The following LRIF1 variants were observed in gnomAD, a reference collection of about 807,000 sequenced individuals.
LRIF1 encodes the protein ligand dependent nuclear receptor interacting factor 1, also known as ligand-dependent nuclear receptor-interacting factor 1.
A neutral mutation model predicts 52.7 loss-of-function variants in LRIF1; 32 were observed. That is an observed-to-expected ratio of 0.61 (90% CI 0.46 to 0.82). LRIF1 has a LOEUF of 0.82. LRIF1 is among the 40% of genes least tolerant of loss of function. The pLI is 0.00. For synonymous variants in LRIF1, 323 were observed against 317.4 expected (o/e 1.02, Z -0.19); for missense variants, 887 against 892.0 (o/e 0.99, Z 0.07).
chr1:110,933,162 C>G, the LRIF1 span, among the ~76,000 whole-genome samples: 815 of 152,230 alleles, frequency 5.4e-3, 6 homozygotes, highest in Non-Finnish European at 8.7e-3. Flanking sequence ...ACAAGATGCT[C>G]TAGGCTCATC....
downstream of LRIF1, among the ~76,000 whole-genome samples, chr1:110,946,990 CTCCTT>C (rs371578803): frequency 6.2e-3 from 941 of 152,048 alleles, 9 homozygotes; most frequent in African/African-American, 0.021. Flanking sequence ...TCTCCTCCTC[CTCCTT>C]TAAGAGACAG....
downstream of LRIF1, among the ~76,000 whole-genome samples, chr1:110,946,363 ATAAGGTT>A (rs1410526289): frequency 6.6e-6 from 1 of 152,206 alleles, no homozygotes; most frequent in East Asian, 1.9e-4. Context: ...GCTAATGGGT[ATAAGGTT>A]TGTTTGGGGG....
At chr1:110,962,808 A>G (rs1245123612) in intron 1 of LRIF1, among the ~76,000 whole-genome samples, 1 of 151,912 alleles carries the variant, frequency 6.6e-6, no homozygotes, top group African/African-American at 2.4e-5. Flanking sequence ...GAGTCTGCAG[A>G]CCCTATTTTT....
the LRIF1 span, among the ~76,000 whole-genome samples, chr1:110,917,676 TA>T: frequency 4.2e-5 from 6 of 143,790 alleles, no homozygotes; most frequent in Non-Finnish European, 7.5e-5. Flanking sequence ...GAGGTCAACA[TA>T]AAAAAATAGC....
the LRIF1 span, among the ~76,000 whole-genome samples, chr1:110,914,912 A>G: frequency 1.3e-5 from 2 of 152,226 alleles, no homozygotes; most frequent in Non-Finnish European, 2.9e-5. Flanking sequence ...ATTACATAGT[A>G]GAATTGAAGA....
downstream of LRIF1, chr1:110,945,104 A>G (rs1485384541): frequency 6.6e-6 from 1 of 152,134 alleles, no homozygotes; most frequent in Non-Finnish European, 1.5e-5. Flanking sequence ...TGCCCAGCCG[A>G]ACTCCTGGCC....
At position 110,950,095 on chromosome 1, in the gene LRIF1, T is replaced by C; in HGVS notation, c.1625A>G (p.Asp542Gly). Reference protein sequence around the residue: ...KIHNEMASTSDKGAQGRNDKK... With the variant: ...KIHNEMASTSGKGAQGRNDKK... ...GTCATTTCTTCCTTGGGCACCTTTA[T>C]CTGATGTTGATGCCATCTCATTATG... Residue 542 changes from aspartate (D) to glycine (G), a missense_variant, in exon 3 of 4, where the codon GAT becomes GGT. Asp to Gly is a moderately conservative substitution (Grantham distance 94). Transcript: ENST00000369763. 6.2e-7 allele frequency: 1 copy of C among 1,613,456 alleles called. No homozygotes were observed. Among genetic ancestry groups the C allele is most frequent in the South Asian group, 1.1e-5 (1 of 91,056 alleles).
At position 110,948,069 on chromosome 1, in the gene LRIF1, G is replaced by A; in HGVS notation, c.2200C>T (p.Pro734Ser). 1 of 1,613,944 alleles carries A rather than the reference G, an allele frequency of 6.2e-7. No individual in the cohort carries two copies. Among genetic ancestry groups the A allele is most frequent in the South Asian group, 1.1e-5 (1 of 91,072 alleles). Residue 734 changes from proline to serine, a missense_variant, in exon 4 of 4, where the codon CCG (proline) becomes TCG (serine). Physicochemically the swap from Pro to Ser is moderately conservative, Grantham distance 74. Transcript: ENST00000369763. ...YTEDIFPVTP[P>S]ELEETIRDEK... The stretch of plus-strand genomic sequence containing the variant: ...TCTCGAATGGTTTCTTCTAACTCCG[G>A]TGGTGTCACTGGGAAAATATCTTCG...
the LRIF1 span, among the ~76,000 whole-genome samples, chr1:110,911,760 G>A: frequency 6.6e-6 from 1 of 152,124 alleles, no homozygotes; most frequent in Non-Finnish European, 1.5e-5. Flanking sequence ...AAAACCACAT[G>A]ATCATCTCAA....
At chr1:110,892,635 A>T in the LRIF1 span, 1 of 975,814 alleles carries the variant, frequency 1.0e-6, no homozygotes, top group Admixed American at 2.2e-5. Context: ...CAGAAAGATC[A>T]TAGGAAAATG....
At chr1:110,886,869 ATT>A in the LRIF1 span, among the ~76,000 whole-genome samples, 83 of 82,786 alleles carry the variant, frequency 1.0e-3, 1 homozygote, top group African/African-American at 3.7e-3. Context: ...ATATATATAT[ATT>A]TTTTTTTTCT....
At chr1:110,923,031 A>G in the LRIF1 span, among the ~76,000 whole-genome samples, 1 of 152,166 alleles carries the variant, frequency 6.6e-6, no homozygotes, top group Non-Finnish European at 1.5e-5. Context: ...TTGGCCAGGT[A>G]GGGTGGCTCA....
the LRIF1 span, among the ~76,000 whole-genome samples, chr1:110,935,965 T>A: frequency 2.7e-5 from 4 of 150,010 alleles, no homozygotes; most frequent in African/African-American, 9.8e-5. Context: ...AAAAAAAAAA[T>A]AACATACAAT....
At chr1:110,936,073 T>C in the LRIF1 span, among the ~76,000 whole-genome samples, 1 of 152,170 alleles carries the variant, frequency 6.6e-6, no homozygotes, top group East Asian at 1.9e-4. Context: ...GAAAAAACTT[T>C]TTAACCTAGA....
the LRIF1 span, chr1:110,936,397 T>C: frequency 4.6e-5 from 7 of 152,096 alleles, no homozygotes; most frequent in Admixed American, 6.5e-5. Flanking sequence ...TTTAATGACA[T>C]AGTACAATAA....
In LRIF1 at chr1:110,952,598, G is replaced by T; in HGVS notation, c.286C>A (p.Pro96Thr). The T allele has an allele frequency of 6.2e-6, 10 of 1,613,932 alleles. No individual in the cohort carries two copies. The highest frequency in any genetic ancestry group is 7.6e-6 in the Non-Finnish European group (9 of 1,179,842). The change falls in exon 2 of 4, where the codon CCC becomes ACC. Residue 96 changes from proline (P) to threonine (T), a missense_variant. Pro to Thr is a conservative substitution (Grantham distance 38). Coordinates refer to ENST00000369763, the MANE Select transcript of LRIF1 (RefSeq NM_018372.4). ...GAAGAACTGGCTGGCTGAAAAATGG[G>T]CAATTGAACTGATGCACTTGTGGAA... ...SSSTSASVQL[P>T]IFQPASSSNY...
At chr1:110,886,869 A>ATATTT in the LRIF1 span, among the ~76,000 whole-genome samples, 567 of 82,760 alleles carry the variant, frequency 6.9e-3, 7 homozygotes, top group South Asian at 9.4e-3. Context: ...ATATATATAT[A>ATATTT]TTTTTTTTTT....
At chr1:110,901,479 T>G in the LRIF1 span, among the ~76,000 whole-genome samples, 1 of 122,448 alleles carries the variant, frequency 8.2e-6, no homozygotes. Context: ...CACCCGGCCT[T>G]TTTTTTTTTT....
At chr1:110,943,463 C>CA, downstream of LRIF1, 1 of 152,036 alleles carries the variant, frequency 6.6e-6, no homozygotes, top group Middle Eastern at 3.4e-3. Context: ...AAATTTAAGT[C>CA]AAAAAAGGTA....
Sources: gnomAD v4.1 joint callset for allele counts (sites outside exome capture counted in the v4.1 genomes callset) on GRCh38, gnomAD v4.1.1 for gene constraint, MANE v1.5 for transcripts, NCBI Gene and HGNC (gene_info 2026-07-23, HGNC 2026-07-21) for gene names.